Variants in TCERG1L observed in about 807,000 individuals in gnomAD.
The protein encoded by TCERG1L is transcription elongation regulator 1-like protein.
In TCERG1L, 37 loss-of-function variants were observed where a neutral mutation model predicts 56.3. The observed-to-expected ratio is 0.66, with a 90% confidence interval of 0.51 to 0.87. The LOEUF is 0.87. TCERG1L is among the 40% of genes least tolerant of loss of function. The probability of loss-of-function intolerance (pLI) is 0.00; values close to 1 mark genes in which losing one functional copy is unlikely to be tolerated. For synonymous variants in TCERG1L, 324 were observed against 326.3 expected, an observed-to-expected ratio of 0.99 and a Z score of 0.08; for missense variants, 799 against 774.2, an observed-to-expected ratio of 1.03 and a Z score of -0.38.
rs114781454 is a variant in TCERG1L at position 131,114,405 on chromosome 10, C to T, written c.1395+2394G>A. On this transcript the variant is annotated intron_variant, in intron 9 of 11. Coordinates refer to ENST00000368642, the MANE Select transcript of TCERG1L (RefSeq NM_174937.4). Reference sequence around the variant, plus strand: ...AGTAAATTTGGATTGATCTTTTCTACTCATGAGGTCTGTGTATGTGGGCCT... The same window carrying T: ...AGTAAATTTGGATTGATCTTTTCTATTCATGAGGTCTGTGTATGTGGGCCT... Among the ~76,000 whole-genome samples, 337 of 141,558 alleles carry T rather than the reference C, an allele frequency of 2.4e-3. 21 individuals carry two copies. Among genetic ancestry groups the T allele is most frequent in the African/African-American group, 8.2e-3 (329 of 40,290 alleles). 92.9% of individuals were successfully genotyped at this position (141,558 alleles called of 152,430 possible).
At chr10:131,256,718 T>C (rs931499017) in intron 4 of TCERG1L, among the ~76,000 whole-genome samples, 3 of 151,728 alleles carry the variant, frequency 2.0e-5, no homozygotes, top group Non-Finnish European at 4.4e-5. Context: ...ACCCTGTCTC[T>C]ACTAAAAATA....
chr10:131,235,959 TAGAC>T (rs1266918310), intron 4 of TCERG1L, among the ~76,000 whole-genome samples: 4 of 152,136 alleles, frequency 2.6e-5, no homozygotes, highest in Admixed American at 6.5e-5. Context: ...ATTAAAGAAA[TAGAC>T]AGTAAATACA....
rs759265279 is a variant in TCERG1L at position 131,146,558 on chromosome 10, G to C, written c.1137C>G (p.Leu379=). The change falls in exon 7 of 12, where the codon CTC becomes CTG. Residue 379 remains leucine (L), a synonymous_variant. Transcript: ENST00000368642. ...GGGGCGGGTCCTCAATGATCCTGTT[G>C]AGGTCTCCGCGGTCCTTCAGGTCCA... The part of the protein sequence containing the change: ...KPMDLKDRGD[L]NRIIEDPPHK... 6.2e-7 allele frequency: 1 copy of C among 1,613,838 alleles called. No homozygotes were observed. Among genetic ancestry groups the C allele is most frequent in the East Asian group, 2.2e-5 (1 of 44,864 alleles).
chr10:131,126,651 A>G (rs1402601558), intron 8 of TCERG1L, among the ~76,000 whole-genome samples: 1 of 152,076 alleles, frequency 6.6e-6, no homozygotes, highest in Non-Finnish European at 1.5e-5. Flanking sequence ...CCCAGCAATT[A>G]ATTAGGAGGC....
chr10:131,131,244 C>T (rs1018170344), intron 8 of TCERG1L, among the ~76,000 whole-genome samples: 1 of 152,224 alleles, frequency 6.6e-6, no homozygotes, highest in East Asian at 1.9e-4. Flanking sequence ...TCAGCAGAGA[C>T]CACCACCCTG....
At chr10:131,101,461 CAT>C (rs1197168739) in intron 10 of TCERG1L, among the ~76,000 whole-genome samples, 1 of 152,242 alleles carries the variant, frequency 6.6e-6, no homozygotes, top group African/African-American at 2.4e-5. Flanking sequence ...AAAAGGTATC[CAT>C]GGCACAGAGA....
At chr10:131,200,529 T>C (rs1033515342) in intron 4 of TCERG1L, among the ~76,000 whole-genome samples, 4 of 152,220 alleles carry the variant, frequency 2.6e-5, no homozygotes, top group Non-Finnish European at 5.9e-5. Flanking sequence ...GGAATCAGGA[T>C]GTTTATCCTA....
chr10:131,150,910 A>AC (rs1845857133), intron 6 of TCERG1L, among the ~76,000 whole-genome samples: 1 of 152,234 alleles, frequency 6.6e-6, no homozygotes, highest in South Asian at 2.1e-4. Flanking sequence ...GCACCTCTTC[A>AC]CAGGGCAGCA....
Position 131,104,279 on chromosome 10 carries a change from C to G in TCERG1L, c.1471G>C (p.Glu491Gln), listed in dbSNP as rs374606048. Residue 491 changes from glutamate to glutamine, a missense_variant, in exon 10 of 12, where the codon GAG (glutamate) becomes CAG (glutamine). Physicochemically the swap from Glu to Gln is conservative, Grantham distance 29. Transcript: ENST00000368642. The stretch of plus-strand genomic sequence containing the variant: ...CACCCAGTTACCTGCTTTCGTTCCT[C>G]AGAGTTGAGCAGGAGATAGCGTGGG... ...FDPRYLLLNSEERKQIFEQFV... is the reference protein window; with the variant it reads ...FDPRYLLLNSQERKQIFEQFV... The G allele has an allele frequency of 1.2e-5, 18 of 1,549,744 alleles. No homozygotes were observed. The highest frequency in any genetic ancestry group is 1.5e-5 in the Non-Finnish European group (17 of 1,145,434).
At chr10:131,206,526 G>A (rs1589748244) in intron 4 of TCERG1L, among the ~76,000 whole-genome samples, 1 of 152,242 alleles carries the variant, frequency 6.6e-6, no homozygotes, top group East Asian at 1.9e-4. Context: ...GTGGGCGGCT[G>A]CCCGCCAGGC....
At chr10:131,283,842 A>G (rs1213133777) in intron 3 of TCERG1L, among the ~76,000 whole-genome samples, 1 of 152,188 alleles carries the variant, frequency 6.6e-6, no homozygotes, top group East Asian at 1.9e-4. Flanking sequence ...AAACAGTATA[A>G]AAGAAAAACT....
At chr10:131,221,297 C>T (rs112221659) in intron 4 of TCERG1L, among the ~76,000 whole-genome samples, 17 of 152,304 alleles carry the variant, frequency 1.1e-4, no homozygotes, top group African/African-American at 3.8e-4. Flanking sequence ...TTCAAATCAC[C>T]GGTGGAGTGG....
At chr10:131,173,862 C>CTGG (rs1167449320) in intron 4 of TCERG1L, among the ~76,000 whole-genome samples, 1 of 152,200 alleles carries the variant, frequency 6.6e-6, no homozygotes, top group Non-Finnish European at 1.5e-5. Flanking sequence ...CCAAATCCCG[C>CTGG]TGGTGAGGAG....
At chr10:131,178,072 G>A (rs377043827) in intron 4 of TCERG1L, among the ~76,000 whole-genome samples, 1 of 152,046 alleles carries the variant, frequency 6.6e-6, no homozygotes, top group Admixed American at 6.6e-5. Context: ...TCTCAGGAGT[G>A]GGGGGAGCCT....
At chr10:131,124,365 A>G (rs888190170) in intron 8 of TCERG1L, among the ~76,000 whole-genome samples, 7 of 152,156 alleles carry the variant, frequency 4.6e-5, no homozygotes, top group African/African-American at 9.6e-5. Flanking sequence ...CCCGTCCCCA[A>G]GGCTGGCCCC....
intron 4 of TCERG1L, among the ~76,000 whole-genome samples, chr10:131,205,711 C>T (rs1845514947): frequency 2.0e-5 from 3 of 152,382 alleles, no homozygotes; most frequent in Admixed American, 1.3e-4. Flanking sequence ...GGCAGCATGT[C>T]CGCAGCCACC....
chr10:131,248,880 C>T (rs983365038), intron 4 of TCERG1L, among the ~76,000 whole-genome samples: 1 of 152,226 alleles, frequency 6.6e-6, no homozygotes, highest in Non-Finnish European at 1.5e-5. Flanking sequence ...TCAGAGTCGG[C>T]TTCTGACTGG....
chr10:131,295,914 T>C (rs1479796046), intron 3 of TCERG1L, among the ~76,000 whole-genome samples: 4 of 152,218 alleles, frequency 2.6e-5, no homozygotes, highest in Non-Finnish European at 4.4e-5. Context: ...TCTTTCTTTG[T>C]TGGTGATGTG....
rs140642607 is a variant in TCERG1L at position 131,291,722 on chromosome 10, G to A, written c.670+16489C>T. Reference sequence around the variant, plus strand: ...ATTACAGGCGTGAGCCACCGCGCCCGGCCTCCATAAACAGCATTTCTAAAT... The same window carrying A: ...ATTACAGGCGTGAGCCACCGCGCCCAGCCTCCATAAACAGCATTTCTAAAT... On this transcript the variant is annotated intron_variant, in intron 3 of 11. Transcript: ENST00000368642. Among the ~76,000 whole-genome samples the A allele has an allele frequency of 9.8e-4, 148 of 151,604 alleles. 2 individuals are homozygous for A. In the East Asian group the frequency reaches 0.016, roughly 16 times the overall value.
Sources: allele counts gnomAD v4.1 joint callset (sites outside exome capture counted in the v4.1 genomes callset), GRCh38; gene constraint gnomAD v4.1.1; transcripts MANE v1.5; gene names NCBI Gene and HGNC (gene_info 2026-07-23, HGNC 2026-07-21).